SRRM1: variants seen among roughly 807,000 people sequenced by gnomAD.
SRRM1 encodes serine/arginine repetitive matrix protein 1.
SRRM1 carries 19 observed loss-of-function variants against 110.2 expected under a neutral mutation model. That is an observed-to-expected ratio of 0.17 (90% CI 0.12 to 0.25). The LOEUF (loss-of-function observed/expected upper bound fraction) is 0.25. Among genes scored for constraint, SRRM1 ranks in the 10% least tolerant of loss-of-function variants. The pLI is 1.00. For synonymous variants in SRRM1, 443 were observed against 414.9 expected, an observed-to-expected ratio of 1.07 and a Z score of -0.82; for missense variants, 918 against 1,145.8, an observed-to-expected ratio of 0.80 and a Z score of 2.87.
At chr1:24,643,368 C>T (rs1654829424) in intron 1 of SRRM1, 21 bp downstream of exon 1, 2 of 1,546,710 alleles carry the variant, frequency 1.3e-6, no homozygotes, top group East Asian at 2.7e-5. Context: ...GCGCCGGGCG[C>T]CGGGGTGAGG....
intron 9 of SRRM1, among the ~76,000 whole-genome samples, chr1:24,659,161 T>G (rs1665855717): frequency 6.7e-6 from 1 of 149,546 alleles, no homozygotes; most frequent in Admixed American, 6.7e-5. Flanking sequence ...GCCATTGCAC[T>G]CCAGCCTAGG....
chr1:24,653,059 C>A, intron 8 of SRRM1, 27 bp downstream of exon 8: 3 of 1,603,376 alleles, frequency 1.9e-6, no homozygotes, highest in South Asian at 2.2e-5. Flanking sequence ...TTGGAAGTGT[C>A]AAGTGTTTGA....
At chr1:24,643,438 A>G in intron 1 of SRRM1, 91 bp downstream of exon 1, 1 of 996,732 alleles carries the variant, frequency 1.0e-6, no homozygotes, top group South Asian at 2.0e-5. Context: ...GTGGCCAGCG[A>G]GGGGAGCTTC....
intron 8 of SRRM1, 70 bp downstream of exon 8, chr1:24,653,102 T>C (rs1570787286): frequency 2.8e-6 from 4 of 1,424,108 alleles, no homozygotes; most frequent in East Asian, 4.8e-5. Context: ...TAGGATAATC[T>C]GTAAATTAGT....
rs747516494 is a variant in SRRM1 at position 24,660,798 on chromosome 1, G to A, written c.1395G>A (p.Ser465=). ...PKPRKVELSE[S]EEDKGGKMAA... ...CTAGAAAAGTAGAGTTATCTGAATC[G>A]GGTAAGTTTGTTGTTTTTTTTTGTG... Residue 465 remains serine (S), a splice_region_variant and synonymous_variant, in exon 10 of 17, where the codon TCG becomes TCA. Transcript: ENST00000323848. 5.1e-6 allele frequency: 8 copies of A among 1,583,444 alleles called. No individual in the cohort carries two copies. The highest frequency in any genetic ancestry group is 4.7e-5 in the South Asian group (4 of 85,644).
At chr1:24,648,366 C>G (rs549812433) in intron 3 of SRRM1, 2 of 152,586 alleles carry the variant, frequency 1.3e-5, no homozygotes, top group East Asian at 1.9e-4. Context: ...TCAGAAGTTA[C>G]AGACTGCATG....
Position 24,655,102 on chromosome 1 carries a change from G to T in SRRM1, c.1288G>T (p.Val430Leu). ...SNRTRKSRVSVSPGRTSGKVT... is the reference protein window; with the variant it reads ...SNRTRKSRVSLSPGRTSGKVT... ...CCGTACAAGAAAAAGTCGTGTTTCT[G>T]TGTCTCCAGGGAGAACTTCAGGTAA... Residue 430 changes from valine (V) to leucine (L), a missense_variant, in exon 9 of 17, where the codon GTG becomes TTG. Physicochemically the swap from Val to Leu is conservative, Grantham distance 32. This residue lies in a region of SRRM1 where 456 missense variants were observed against 453.5 expected (regional missense o/e 1.01). Transcript: ENST00000323848. 6.2e-7 allele frequency: 1 copy of T among 1,614,110 alleles called. No homozygotes were observed. The highest frequency in any genetic ancestry group is 8.5e-7 in the Non-Finnish European group (1 of 1,180,032).
At chr1:24,659,410 A>G (rs566060612) in intron 9 of SRRM1, among the ~76,000 whole-genome samples, 2 of 152,196 alleles carry the variant, frequency 1.3e-5, no homozygotes, top group Non-Finnish European at 2.9e-5. Context: ...TTCCATGGCA[A>G]TTGCTTTAAT....
chr1:24,661,883 C>G (rs1256836092), intron 11 of SRRM1, among the ~76,000 whole-genome samples: 2 of 152,104 alleles, frequency 1.3e-5, no homozygotes, highest in Middle Eastern at 3.4e-3. Flanking sequence ...ATCAGGAGTT[C>G]AAGACCATCC....
intron 3 of SRRM1, chr1:24,647,815 CA>C (rs1658437776): frequency 6.6e-6 from 1 of 152,286 alleles, no homozygotes. Flanking sequence ...AAACCAGGAA[CA>C]GGGGAGAAAG....
chr1:24,652,171 A>C (rs1435519574), intron 6 of SRRM1, among the ~76,000 whole-genome samples: 1 of 149,932 alleles, frequency 6.7e-6, no homozygotes, highest in African/African-American at 2.4e-5. Context: ...AGTGAGCCAA[A>C]ATCATGCCAG....
At chr1:24,652,708 A>C in intron 7 of SRRM1, 80 bp downstream of exon 7, 1 of 1,379,492 alleles carries the variant, frequency 7.2e-7, no homozygotes, top group Non-Finnish European at 9.7e-7. Flanking sequence ...AAATAATTTC[A>C]AAGTGGTAGA....
chr1:24,657,671 A>G (rs1276154049), intron 9 of SRRM1, among the ~76,000 whole-genome samples: 2 of 152,204 alleles, frequency 1.3e-5, no homozygotes, highest in African/African-American at 4.8e-5. Flanking sequence ...TATTTGGAAT[A>G]CAGTATACAG....
At chr1:24,666,116 A>C (rs1669863226) in intron 12 of SRRM1, among the ~76,000 whole-genome samples, 1 of 152,228 alleles carries the variant, frequency 6.6e-6, no homozygotes. Context: ...CCTGGTAGGC[A>C]TAAATCTCAC....
At chr1:24,669,771 A>G in intron 14 of SRRM1, 184 bp downstream of exon 14, 1 of 614,090 alleles carries the variant, frequency 1.6e-6, no homozygotes, top group Admixed American at 3.1e-5. Context: ...GTTAAATGCC[A>G]CAGGCTTTTA....
At chr1:24,654,154 G>A (rs1024650313) in intron 8 of SRRM1, among the ~76,000 whole-genome samples, 1 of 152,086 alleles carries the variant, frequency 6.6e-6, no homozygotes, top group Non-Finnish European at 1.5e-5. Context: ...CAAGATTAGT[G>A]GAAACAGCTA....
intron 12 of SRRM1, among the ~76,000 whole-genome samples, chr1:24,665,983 C>CT (rs1456387981): frequency 6.6e-6 from 1 of 152,192 alleles, no homozygotes; most frequent in Non-Finnish European, 1.5e-5. Context: ...TCTTAAGCCA[C>CT]TTGTGACTAT....
At chr1:24,653,325 C>T (rs1570792333) in intron 8 of SRRM1, among the ~76,000 whole-genome samples, 1 of 152,110 alleles carries the variant, frequency 6.6e-6, no homozygotes, top group African/African-American at 2.4e-5. Context: ...GAATTGGCCA[C>T]CTTCTCTTTG....
In SRRM1 at chr1:24,652,999, C is replaced by G; in HGVS notation, c.1007C>G (p.Pro336Arg). ...CCGCCAAGAAGAATGCCTCCTCCAC[C>G]AAGGCATAGAAGGAGTAGATCTCCA... ...RTPPRRMPPP[P>R]RHRRSRSPVR... is the part of the protein sequence containing the mutation. The change falls in exon 8 of 17, where the codon CCA becomes CGA. Residue 336 changes from proline (P) to arginine (R), a missense_variant. By Grantham distance (103) the Pro-to-Arg change is moderately radical. Transcript: ENST00000323848. 6.2e-7 allele frequency: 1 copy of G among 1,613,808 alleles called. No homozygotes were observed. Among genetic ancestry groups the G allele is most frequent in the Non-Finnish European group, 8.5e-7 (1 of 1,179,836 alleles).
Sources: allele counts gnomAD v4.1 joint callset (sites outside exome capture counted in the v4.1 genomes callset), GRCh38; gene constraint gnomAD v4.1.1; regional missense constraint gnomAD v4.1.1; transcripts MANE v1.5; gene names NCBI Gene and HGNC (gene_info 2026-07-23, HGNC 2026-07-21).